The following CPNE4 variants were observed in gnomAD, a reference collection of about 807,000 sequenced individuals.
The protein encoded by CPNE4 is copine 4, also known as copine-4.
In CPNE4, 25 loss-of-function variants were observed where a neutral mutation model predicts 67.9. The ratio of observed to expected loss-of-function variants is 0.37; its 90% CI spans 0.27 to 0.51. The LOEUF (loss-of-function observed/expected upper bound fraction) is 0.51, where lower values mean the gene tolerates loss of function less well. Among genes scored for constraint, CPNE4 ranks in the 20% least tolerant of loss-of-function variants. CPNE4 has a pLI of 0.93. For missense variants in CPNE4, 464 were observed against 690.8 expected (o/e 0.67, Z 3.68); for synonymous variants, 242 against 244.9 (o/e 0.99, Z 0.11).
At chr3:131,929,370 T>A (rs2070989961) in intron 1 of CPNE4, among the ~76,000 whole-genome samples, 1 of 152,110 alleles carries the variant, frequency 6.6e-6, no homozygotes, top group African/African-American at 2.4e-5. Context: ...AAGACCAGGA[T>A]TTGAATGATC....
At chr3:131,879,223 G>A (rs1391711729) in intron 2 of CPNE4, among the ~76,000 whole-genome samples, 1 of 152,168 alleles carries the variant, frequency 6.6e-6, no homozygotes, top group Non-Finnish European at 1.5e-5. Flanking sequence ...ACAAAACTGT[G>A]ATTAAAGTGA....
intron 6 of CPNE4, among the ~76,000 whole-genome samples, chr3:131,681,634 A>G (rs748576627): frequency 9.2e-5 from 14 of 152,158 alleles, no homozygotes; most frequent in Non-Finnish European, 1.8e-4. Flanking sequence ...TTGGTGTTCT[A>G]TAACCTTCTT....
In CPNE4 at chr3:131,887,454, T is replaced by G. The variant is rs888539873; in HGVS notation, c.180+17810A>C. ...GAAATATTATTATGACATCTCTGAA[T>G]CTCAGTTCTCTCATCTGTAGAATGG... On this transcript the variant is annotated intron_variant, in intron 2 of 15. Coordinates refer to ENST00000429747, the MANE Select transcript of CPNE4 (RefSeq NM_130808.3). 3.9e-5 allele frequency among the ~76,000 whole-genome samples: 6 copies of G among 152,336 alleles called. No homozygotes were observed. In the South Asian group the frequency reaches 8.3e-4, roughly 21 times the overall value.
chr3:131,740,477 G>T (rs1455775102), intron 2 of CPNE4, among the ~76,000 whole-genome samples: 1 of 151,942 alleles, frequency 6.6e-6, no homozygotes, highest in East Asian at 1.9e-4. Context: ...AAAACCTTAG[G>T]GTCATACCAA....
intron 2 of CPNE4, among the ~76,000 whole-genome samples, chr3:131,755,023 A>C (rs1400004234): frequency 6.6e-6 from 1 of 152,152 alleles, no homozygotes; most frequent in Non-Finnish European, 1.5e-5. Context: ...AAGATATGAT[A>C]AATTGTGTAT....
chr3:131,986,838 A>AC (rs1292951291), intron 1 of CPNE4, among the ~76,000 whole-genome samples: 1 of 125,168 alleles, frequency 8.0e-6, no homozygotes, highest in Non-Finnish European at 1.7e-5. Context: ...CTCAAAAAAA[A>AC]AAAACAAAAA....
chr3:131,876,287 A>G (rs1450523853), intron 2 of CPNE4, among the ~76,000 whole-genome samples: 1 of 148,510 alleles, frequency 6.7e-6, no homozygotes, highest in East Asian at 2.0e-4. Context: ...AATAAATACG[A>G]ATACAACCAA....
At chr3:131,923,176 A>G (rs2070788357) in intron 1 of CPNE4, among the ~76,000 whole-genome samples, 1 of 152,240 alleles carries the variant, frequency 6.6e-6, no homozygotes, top group Non-Finnish European at 1.5e-5. Flanking sequence ...TAGTTCAATG[A>G]AAAAGCCTGC....
At chr3:132,009,459 G>C (rs1224087959) in intron 1 of CPNE4, among the ~76,000 whole-genome samples, 1 of 152,176 alleles carries the variant, frequency 6.6e-6, no homozygotes, top group Non-Finnish European at 1.5e-5. Context: ...CTAAGAAGAG[G>C]CACTTAGCAC....
At chr3:131,922,404 G>A (rs369260964) in intron 1 of CPNE4, among the ~76,000 whole-genome samples, 2 of 152,252 alleles carry the variant, frequency 1.3e-5, no homozygotes, top group Admixed American at 1.3e-4. Flanking sequence ...CTGGTTTAGT[G>A]GCTTTACACA....
intron 10 of CPNE4, among the ~76,000 whole-genome samples, chr3:131,564,570 C>T (rs999968943): frequency 6.6e-6 from 1 of 151,994 alleles, no homozygotes; most frequent in East Asian, 1.9e-4. Context: ...CCAGTGCACT[C>T]TCTTCTCTCT....
intron 2 of CPNE4, among the ~76,000 whole-genome samples, chr3:131,762,836 A>C (rs1162770941): frequency 1.3e-5 from 2 of 151,960 alleles, no homozygotes; most frequent in African/African-American, 4.8e-5. Flanking sequence ...ATTTTTATGA[A>C]TATCATGAGT....
chr3:131,959,721 G>T (rs1416230195), intron 1 of CPNE4, among the ~76,000 whole-genome samples: 1 of 152,112 alleles, frequency 6.6e-6, no homozygotes, highest in African/African-American at 2.4e-5. Flanking sequence ...AGGGGACGTT[G>T]TACCAACTCT....
chr3:131,868,625 T>C (rs1234109177), intron 2 of CPNE4, among the ~76,000 whole-genome samples: 2 of 152,230 alleles, frequency 1.3e-5, no homozygotes, highest in African/African-American at 4.8e-5. Flanking sequence ...TTATTACTTT[T>C]ATTTTACAGA....
At chr3:131,660,683 G>A (rs1322351029) in intron 7 of CPNE4, among the ~76,000 whole-genome samples, 1 of 152,144 alleles carries the variant, frequency 6.6e-6, no homozygotes, top group Non-Finnish European at 1.5e-5. Context: ...ATTTAGGCTA[G>A]TTATTTAATC....
chr3:131,885,139 G>T (rs1439647622), intron 2 of CPNE4, among the ~76,000 whole-genome samples: 1 of 152,128 alleles, frequency 6.6e-6, no homozygotes, highest in African/African-American at 2.4e-5. Flanking sequence ...TGACAAAAAT[G>T]CTGATAGTGA....
chr3:131,685,011 T>G (rs575430361), intron 6 of CPNE4, among the ~76,000 whole-genome samples: 36 of 152,184 alleles, frequency 2.4e-4, no homozygotes, highest in Non-Finnish European at 4.1e-4. Context: ...CTGACATCAG[T>G]GCAATGTATG....
At chr3:131,797,218 G>A (rs1176026902) in intron 2 of CPNE4, among the ~76,000 whole-genome samples, 1 of 152,148 alleles carries the variant, frequency 6.6e-6, no homozygotes, top group Non-Finnish European at 1.5e-5. Context: ...CTCATGATTT[G>A]CAATGACCTA....
chr3:131,667,461 A>T (rs2080293345), intron 7 of CPNE4, among the ~76,000 whole-genome samples: 2 of 151,764 alleles, frequency 1.3e-5, no homozygotes, highest in South Asian at 4.2e-4. Context: ...GTGAGTGTGT[A>T]TGTGACGGGG....
Sources: allele counts gnomAD v4.1 joint callset (sites outside exome capture counted in the v4.1 genomes callset), GRCh38; gene constraint gnomAD v4.1.1; transcripts MANE v1.5; gene names NCBI Gene and HGNC (gene_info 2026-07-23, HGNC 2026-07-21).